The following WDPCP variants were observed in gnomAD, a reference collection of about 807,000 sequenced individuals.
The protein encoded by WDPCP is WD repeat containing planar cell polarity effector.
WDPCP carries 71 observed loss-of-function variants against 93.1 expected under a neutral mutation model. The ratio of observed to expected loss-of-function variants is 0.76; its 90% CI spans 0.63 to 0.93. The LOEUF (loss-of-function observed/expected upper bound fraction) is 0.93. WDPCP is among the 40% of genes least tolerant of loss of function. The probability of loss-of-function intolerance (pLI) is 0.00; values close to 1 mark genes in which losing one functional copy is unlikely to be tolerated. For synonymous variants in WDPCP, 315 were observed against 315.0 expected (o/e 1.00, Z 0.00); for missense variants, 844 against 887.4 (o/e 0.95, Z 0.62).
At chr2:63,415,190 C>T (rs969248074) in intron 9 of WDPCP, among the ~76,000 whole-genome samples, 1 of 152,062 alleles carries the variant, frequency 6.6e-6, no homozygotes, top group Non-Finnish European at 1.5e-5. Flanking sequence ...AGCAAGACCT[C>T]GTCTCTACAA....
At chr2:63,369,778 G>C (rs901744801) in intron 12 of WDPCP, among the ~76,000 whole-genome samples, 2 of 152,144 alleles carry the variant, frequency 1.3e-5, no homozygotes, top group African/African-American at 4.8e-5. Context: ...TATTAGGGTA[G>C]CTTCTTACAT....
At chr2:63,753,961 C>T (rs116469196) in intron 2 of WDPCP, among the ~76,000 whole-genome samples, 2,629 of 152,156 alleles carry the variant, frequency 0.017, 23 homozygotes, top group African/African-American at 0.018. Flanking sequence ...AGGGACTCCT[C>T]GGGAAAAACC....
intron 2 of WDPCP, among the ~76,000 whole-genome samples, chr2:63,803,335 C>A (rs1280074589): frequency 6.6e-6 from 1 of 152,032 alleles, no homozygotes; most frequent in African/African-American, 2.4e-5. Context: ...TTATTTCTTG[C>A]AATAAATATA....
intron 3 of WDPCP, among the ~76,000 whole-genome samples, chr2:63,641,631 G>T (rs763268629): frequency 2.0e-5 from 3 of 151,722 alleles, no homozygotes; most frequent in Admixed American, 6.6e-5. Flanking sequence ...CCATTTTTTG[G>T]ATTGGATTAC....
intron 3 of WDPCP, chr2:63,594,291 G>T (rs1227842292): frequency 1.5e-6 from 1 of 683,370 alleles, no homozygotes; most frequent in South Asian, 1.4e-5. Flanking sequence ...AACACTTTTA[G>T]CTCCCTACAT....
intron 2 of WDPCP, among the ~76,000 whole-genome samples, chr2:63,748,820 C>A (rs185273407): frequency 2.6e-5 from 4 of 152,064 alleles, no homozygotes; most frequent in African/African-American, 9.6e-5. Context: ...GTTCATTTTA[C>A]TTAGAGTTTC....
At position 63,386,920 on chromosome 2, in the gene WDPCP, C is replaced by G. The variant is rs923056323; in HGVS notation, c.1436-4826G>C. On this transcript the variant is annotated intron_variant, in intron 10 of 17. Transcript: ENST00000272321. ...TGAATAAATTTCTGGGAACGTACAC[C>G]CTGTCAAGATTGAATCAGGAAGAAA... Among the ~76,000 whole-genome samples the G allele has an allele frequency of 9.9e-5, 15 of 152,040 alleles. No individual in the cohort carries two copies. The East Asian group carries it at 2.9e-3, about 29-fold the overall frequency.
At chr2:63,488,502 G>T (rs985160871) in intron 2 of WDPCP, among the ~76,000 whole-genome samples, 1 of 151,988 alleles carries the variant, frequency 6.6e-6, no homozygotes, top group Non-Finnish European at 1.5e-5. Context: ...TATGTCTACT[G>T]GTTAGACTGA....
chr2:63,668,265 C>T (rs573198861), intron 2 of WDPCP, among the ~76,000 whole-genome samples: 101 of 152,266 alleles, frequency 6.6e-4, no homozygotes, highest in African/African-American at 2.3e-3. Flanking sequence ...TCTCCTGCAT[C>T]CCCTCTCCCA....
chr2:63,770,233 G>A lies in WDPCP; in HGVS notation n.308+43389C>T, dbSNP rs960685741. Among the ~76,000 whole-genome samples the A allele has an allele frequency of 3.3e-5, 5 of 151,886 alleles. No homozygotes were observed. In the East Asian group the frequency reaches 5.8e-4, roughly 18 times the overall value. ...AGTCTACCACCATACCACCCTGAACGTGTCCAATCTCATCTGAAAATAATA... is the reference window on the plus strand; with the variant it reads ...AGTCTACCACCATACCACCCTGAACATGTCCAATCTCATCTGAAAATAATA... On this transcript the variant is annotated intron_variant and non_coding_transcript_variant, in intron 2 of 4. Transcript: ENST00000467687.
intron 6 of WDPCP, among the ~76,000 whole-genome samples, chr2:63,452,072 G>C (rs1175640985): frequency 3.9e-5 from 6 of 152,152 alleles, no homozygotes; most frequent in Non-Finnish European, 7.3e-5. Context: ...ATTCAACATA[G>C]TGTTGGAAGT....
intron 1 of WDPCP, among the ~76,000 whole-genome samples, chr2:63,505,244 T>C (rs1026756181): frequency 2.6e-5 from 4 of 152,084 alleles, no homozygotes; most frequent in African/African-American, 9.6e-5. Context: ...ACAGTGTTCG[T>C]ACTTACATAA....
chr2:63,611,106 C>A lies in WDPCP; in HGVS notation n.488+39553G>T, dbSNP rs571350167. Among the ~76,000 whole-genome samples the A allele has an allele frequency of 5.9e-5, 9 of 152,188 alleles. No homozygotes were observed. The East Asian group carries it at 1.4e-3, about 23-fold the overall frequency. Reference sequence around the variant, plus strand: ...GTGCAAGACCCTGTCTCAAAAAAAACCATAAAAGCTATATAGATACCTGCA... The same window carrying A: ...GTGCAAGACCCTGTCTCAAAAAAAAACATAAAAGCTATATAGATACCTGCA... On this transcript the variant is annotated intron_variant and non_coding_transcript_variant, in intron 3 of 4. Coordinates refer to the WDPCP transcript ENST00000467687.
intron 2 of WDPCP, chr2:63,684,339 C>G (rs1386582521): frequency 1.1e-5 from 7 of 662,342 alleles, no homozygotes; most frequent in African/African-American, 9.1e-5. Flanking sequence ...GAAGGTGTCG[C>G]TTGTCCTGGC....
chr2:63,534,800 C>G (rs1704150111), intron 1 of WDPCP, among the ~76,000 whole-genome samples: 1 of 152,192 alleles, frequency 6.6e-6, no homozygotes, highest in African/African-American at 2.4e-5. Context: ...AAAACTCACA[C>G]AAGACAGGGA....
In WDPCP at chr2:63,588,208, G is replaced by A. The variant is rs1005379118; in HGVS notation, c.64C>T (p.Leu22Phe). The stretch of plus-strand genomic sequence containing the variant: ...GGGCCAGGGCTCACCTGTCTCGGGA[G>A]TGGGGAAGAAGCGCGACTCCCGGCC... ...KAAGSRASSP[L>F]PRQDRDSFCH... Residue 22 changes from leucine (L) to phenylalanine (F), a missense_variant, in exon 1 of 18, where the codon CTC (leucine) becomes TTC (phenylalanine). Leu to Phe is a conservative substitution (Grantham distance 22). Transcript: ENST00000272321. 6.4e-7 allele frequency: 1 copy of A among 1,570,522 alleles called. No homozygotes were observed. Among genetic ancestry groups the A allele is most frequent in the Non-Finnish European group, 8.7e-7 (1 of 1,155,534 alleles).
At chr2:63,701,971 T>C (rs1669059299) in intron 2 of WDPCP, among the ~76,000 whole-genome samples, 1 of 152,244 alleles carries the variant, frequency 6.6e-6, no homozygotes, top group African/African-American at 2.4e-5. Flanking sequence ...ATATCTATTG[T>C]ATATTTCAAA....
intron 2 of WDPCP, among the ~76,000 whole-genome samples, chr2:63,798,376 A>G (rs1575775874): frequency 6.6e-6 from 1 of 152,340 alleles, no homozygotes; most frequent in South Asian, 2.1e-4. Context: ...AAGACATAGT[A>G]TGATAAAATA....
At chr2:63,254,076 T>G (rs1354540067) in intron 14 of WDPCP, among the ~76,000 whole-genome samples, 1 of 152,154 alleles carries the variant, frequency 6.6e-6, no homozygotes, top group Non-Finnish European at 1.5e-5. Flanking sequence ...TAACATCCTT[T>G]GCAGCAACAT....
Sources: allele counts gnomAD v4.1 joint callset (sites outside exome capture counted in the v4.1 genomes callset), GRCh38; gene constraint gnomAD v4.1.1; transcripts MANE v1.5; gene names NCBI Gene and HGNC (gene_info 2026-07-23, HGNC 2026-07-21).